Variants in BCO2 observed in about 807,000 individuals in gnomAD.
BCO2 encodes beta-carotene oxygenase 2, also known as carotenoid-cleaving dioxygenase, mitochondrial.
In BCO2, 56 loss-of-function variants were observed where a neutral mutation model predicts 65.8. The observed-to-expected ratio is 0.85, with a 90% CI of 0.69 to 1.06. BCO2 has a LOEUF of 1.06. BCO2 is among the 50% of genes least tolerant of loss of function. The pLI, the probability that BCO2 is intolerant of heterozygous loss-of-function variation, is 0.00. For synonymous variants in BCO2, 233 were observed against 242.3 expected, an observed-to-expected ratio of 0.96 and a Z score of 0.36; for missense variants, 675 against 698.5, an observed-to-expected ratio of 0.97 and a Z score of 0.38.
rs1555193561 is a variant in BCO2, at chr11:112,176,523, G to GGGGC, written c.88+837_88+838insCGGG. ...GATGAAGAAAATTGATTGGCGGGGG[G>GGGGC]GGGGGAATTAAACATTCTATTTTGA... is the stretch of plus-strand genomic sequence containing the variant. On this transcript the variant is annotated intron_variant, in intron 1 of 11. Coordinates refer to ENST00000357685, the MANE Select transcript of BCO2 (RefSeq NM_031938.7). The GGGGC allele has an allele frequency of 5.8e-4, 78 of 133,780 alleles. 14 individuals are homozygous for GGGGC. Among genetic ancestry groups the GGGGC allele is most frequent in the African/African-American group, 2.1e-3 (76 of 36,010 alleles). 8.3% of individuals were successfully genotyped at this position (133,780 alleles called of 1,614,324 possible). A position where few individuals can be genotyped will look rare whatever the true frequency, so the allele number is the denominator to read the frequency against.
At chr11:112,182,274 A>G (rs1472519132) in intron 2 of BCO2, among the ~76,000 whole-genome samples, 1 of 152,296 alleles carries the variant, frequency 6.6e-6, no homozygotes, top group African/African-American at 2.4e-5. Context: ...TAGTTCAACC[A>G]TTGTGGAAGA....
intron 8 of BCO2, among the ~76,000 whole-genome samples, chr11:112,206,050 CAAGGCTGTCACTTCACACTTGG>C (rs1592859554): frequency 6.6e-6 from 1 of 152,348 alleles, no homozygotes; most frequent in East Asian, 1.9e-4. Flanking sequence ...AGATCACACA[CAAGGCTGTCACTTCACACTTGG>C]AAGGTTGCGC....
At chr11:112,196,644 T>C (rs1188029709) in intron 5 of BCO2, among the ~76,000 whole-genome samples, 2 of 152,196 alleles carry the variant, frequency 1.3e-5, no homozygotes, top group East Asian at 1.9e-4. Context: ...TTGTATGTAG[T>C]GGGTTCTCAA....
Position 112,202,006 on chromosome 11 carries a change from TGTG to T in BCO2, c.1027-16_1027-14del. On this transcript the variant is annotated splice_polypyrimidine_tract_variant and intron_variant, in intron 7 of 11. Coordinates refer to ENST00000357685, the MANE Select transcript of BCO2 (RefSeq NM_031938.7). Reference sequence around the variant, plus strand: ...ACTAAAAAAAATTTTTTTCATTGTTTGTGTTTTCCCCTGCAGCTCCTTCCAGGG... The same window carrying T: ...ACTAAAAAAAATTTTTTTCATTGTTTTTTTCCCCTGCAGCTCCTTCCAGGG... The T allele has an allele frequency of 6.5e-7, 1 of 1,535,968 alleles. No homozygotes were observed. The highest frequency in any genetic ancestry group is 2.2e-5 in the Admixed American group (1 of 44,720).
At position 112,193,551 on chromosome 11, in the gene BCO2, A is replaced by C; in HGVS notation, c.371A>C (p.Lys124Thr). 1 of 1,614,142 alleles carries C rather than the reference A, an allele frequency of 6.2e-7. No homozygotes were observed. Among genetic ancestry groups the C allele is most frequent in the Non-Finnish European group, 8.5e-7 (1 of 1,180,028 alleles). ...MAKGTVTYRS[K>T]FLQSDTYKAN... is the part of the protein sequence containing the mutation. ...AAGGGCACAGTGACATACAGGAGCA[A>C]GTTTCTACAGAGTGATACATATAAG... is the stretch of plus-strand genomic sequence containing the variant. The change falls in exon 3 of 12, where the codon AAG becomes ACG. Residue 124 changes from lysine to threonine, a missense_variant. Coordinates refer to ENST00000357685, the MANE Select transcript of BCO2 (RefSeq NM_031938.7).
intron 2 of BCO2, chr11:112,180,956 T>C (rs1399245206): frequency 8.6e-7 from 1 of 1,158,664 alleles, no homozygotes; most frequent in African/African-American, 1.5e-5. Context: ...TGATGATGTT[T>C]TGTTTGTTTG....
chr11:112,190,817 C>CTGCACTCCA (rs1867359653), intron 2 of BCO2, among the ~76,000 whole-genome samples: 1 of 143,114 alleles, frequency 7.0e-6, no homozygotes, highest in Non-Finnish European at 1.5e-5. Context: ...GATCGTGCCA[C>CTGCACTCCA]TGCACTCCAG....
intron 8 of BCO2, among the ~76,000 whole-genome samples, chr11:112,205,147 A>G (rs1867835746): frequency 6.6e-6 from 1 of 152,118 alleles, no homozygotes; most frequent in Non-Finnish European, 1.5e-5. Flanking sequence ...TGGATTTTCG[A>G]CTATGTAGGG....
At chr11:112,202,269 T>TTC (rs377696576) in intron 8 of BCO2, 79 bp downstream of exon 8, 15,139 of 1,167,560 alleles carry the variant, frequency 0.013, 87 homozygotes, top group East Asian at 0.055. Flanking sequence ...AATTACATGT[T>TTC]TCTCTCTCTC....
intron 2 of BCO2, 170 bp downstream of exon 2, chr11:112,179,652 A>G: frequency 1.5e-6 from 1 of 658,696 alleles, no homozygotes; most frequent in Non-Finnish European, 2.6e-6. Flanking sequence ...TTTAAACAAA[A>G]TGTCCTGCTT....
rs368481821 is a variant in BCO2, at chr11:112,207,945, G to T, written c.1194+5755G>T. On this transcript the variant is annotated intron_variant, in intron 8 of 11. Transcript: ENST00000357685. ...TTTTTTGCTTTCATTTTATGTTAGT[G>T]TTGCTATATAGCAATTTTTTTTTTT... is the stretch of plus-strand genomic sequence containing the variant. Among the ~76,000 whole-genome samples the T allele has an allele frequency of 2.5e-4, 33 of 130,668 alleles. 1 individual carries two copies. The East Asian group carries it at 5.4e-3, about 21-fold the overall frequency. 85.7% of individuals were successfully genotyped at this position (130,668 alleles called of 152,430 possible). A position where few individuals can be genotyped will look rare whatever the true frequency, so the allele number is the denominator to read the frequency against.
intron 8 of BCO2, among the ~76,000 whole-genome samples, chr11:112,213,209 T>C (rs553652602): frequency 8.8e-4 from 124 of 140,800 alleles, no homozygotes; most frequent in Non-Finnish European, 1.5e-3. Context: ...AATGGCATGA[T>C]CTCGGCTCAC....
chr11:112,178,019 C>T (rs1289862838), intron 1 of BCO2, among the ~76,000 whole-genome samples: 1 of 151,494 alleles, frequency 6.6e-6, no homozygotes, highest in African/African-American at 2.4e-5. Flanking sequence ...ATGCGATTCT[C>T]CTGCCTCAGC....
At chr11:112,215,737 C>CAAAACAAAACAAAAAAACA (rs1859656721) in intron 10 of BCO2, 1 of 146,396 alleles carries the variant, frequency 6.8e-6, no homozygotes, top group South Asian at 2.1e-4. Context: ...AACAAAAAAA[C>CAAAACAAAACAAAAAAACA]AAAAAAAAAC....
intron 2 of BCO2, among the ~76,000 whole-genome samples, chr11:112,184,141 C>A (rs1244087543): frequency 6.6e-6 from 1 of 152,146 alleles, no homozygotes; most frequent in Non-Finnish European, 1.5e-5. Context: ...GAAATAGATA[C>A]TAAATCCAGA....
At chr11:112,208,420 C>CTTTTT (rs56317720) in intron 8 of BCO2, among the ~76,000 whole-genome samples, 23 of 142,890 alleles carry the variant, frequency 1.6e-4, no homozygotes, top group Non-Finnish European at 1.8e-4. Flanking sequence ...TGTATATTGG[C>CTTTTT]TTTTTTTTTT....
chr11:112,183,893 G>A (rs1387439011), intron 2 of BCO2, among the ~76,000 whole-genome samples: 1 of 152,194 alleles, frequency 6.6e-6, no homozygotes, highest in Non-Finnish European at 1.5e-5. Context: ...TAGAACTCTG[G>A]ATGGAGGAAG....
rs148115889 is a variant in BCO2 at position 112,193,499 on chromosome 11, G to A, written c.319G>A (p.Ala107Thr). Residue 107 changes from alanine (A) to threonine (T), a missense_variant, in exon 3 of 12, where the codon GCG (alanine) becomes ACG (threonine). By Grantham distance (58) the Ala-to-Thr change is moderately conservative (BLOSUM62 0). Transcript: ENST00000357685. ...DKYNHWFDGM[A>T]LLHQFRMAKG... ...GTACAATCATTGGTTTGATGGGATG[G>A]CGCTGCTTCACCAGTTCAGAATGGC... The A allele has an allele frequency of 6.2e-4, 996 of 1,613,944 alleles. 5 individuals carry two copies. The African/African-American group carries it at 0.012, about 20-fold the overall frequency.
Position 112,179,329 on chromosome 11 carries a change from A to G in BCO2, c.140A>G (p.Gln47Arg). 6.2e-7 allele frequency: 1 copy of G among 1,614,218 alleles called. No individual in the cohort carries two copies. The highest frequency in any genetic ancestry group is 1.1e-5 in the South Asian group (1 of 91,086). The change falls in exon 2 of 12, where the codon CAG becomes CGG. Residue 47 changes from glutamine (Q) to arginine (R), a missense_variant. Transcript: ENST00000357685. Reference protein sequence around the residue: ...NTPQKKAVFGQCRGLPCVAPL... With the variant: ...NTPQKKAVFGRCRGLPCVAPL... The stretch of plus-strand genomic sequence containing the variant: ...CCTCAGAAAAAAGCCGTCTTTGGGC[A>G]GTGTCGGGGTCTGCCATGTGTTGCA...
Sources: allele counts gnomAD v4.1 joint callset (sites outside exome capture counted in the v4.1 genomes callset), GRCh38; gene constraint gnomAD v4.1.1; transcripts MANE v1.5; gene names NCBI Gene and HGNC (gene_info 2026-07-23, HGNC 2026-07-21).